Variants in STYK1 observed in about 807,000 individuals in gnomAD.
STYK1 encodes the protein tyrosine-protein kinase STYK1.
A neutral mutation model predicts 48.1 loss-of-function variants in STYK1; 46 were observed. The ratio of observed to expected loss-of-function variants is 0.96; its 90% CI spans 0.75 to 1.22. The LOEUF is 1.22. Among genes scored for constraint, STYK1 ranks in the 50% most tolerant of loss-of-function variants. The pLI, the probability that STYK1 is intolerant of heterozygous loss-of-function variation, is 0.00. For synonymous variants in STYK1, 188 were observed against 189.0 expected, an observed-to-expected ratio of 0.99 and a Z score of 0.04; for missense variants, 527 against 521.1, an observed-to-expected ratio of 1.01 and a Z score of -0.11.
intron 1 of STYK1, among the ~76,000 whole-genome samples, chr12:10,657,302 T>C (rs907980835): frequency 6.6e-6 from 1 of 152,192 alleles, no homozygotes; most frequent in African/African-American, 2.4e-5. Flanking sequence ...ACTTAAAAAT[T>C]GGCAAATGAA....
At chr12:10,650,486 T>A (rs1044629809) in intron 1 of STYK1, among the ~76,000 whole-genome samples, 1 of 152,234 alleles carries the variant, frequency 6.6e-6, no homozygotes, top group Non-Finnish European at 1.5e-5. Flanking sequence ...TAATTACTTT[T>A]CAAATCAGTG....
At chr12:10,627,192 T>G (rs919376850) in intron 7 of STYK1, among the ~76,000 whole-genome samples, 1 of 152,198 alleles carries the variant, frequency 6.6e-6, no homozygotes, top group Non-Finnish European at 1.5e-5. Flanking sequence ...GTTTTCTTGT[T>G]TCTCAGGTAT....
intron 6 of STYK1, among the ~76,000 whole-genome samples, chr12:10,628,233 A>C (rs141121136): frequency 6.6e-6 from 1 of 152,340 alleles, no homozygotes; most frequent in East Asian, 1.9e-4. Flanking sequence ...CAATGGTTAC[A>C]TATCTGTAAG....
intron 1 of STYK1, among the ~76,000 whole-genome samples, chr12:10,641,498 G>A (rs577125671): frequency 9.2e-5 from 14 of 152,310 alleles, no homozygotes; most frequent in African/African-American, 2.6e-4. Context: ...GCAGAGAGGA[G>A]GGCCCAAGCT....
chr12:10,655,503 G>A (rs61912180), intron 1 of STYK1, among the ~76,000 whole-genome samples: 49,728 of 152,082 alleles, frequency 0.33, 9,118 homozygotes, highest in Non-Finnish European at 0.43. Context: ...CTGGTTCAGC[G>A]TTCAATTTCT....
At chr12:10,647,602 C>T (rs572470774) in intron 1 of STYK1, among the ~76,000 whole-genome samples, 16 of 152,010 alleles carry the variant, frequency 1.1e-4, no homozygotes, top group South Asian at 4.2e-4. Flanking sequence ...TTTTGGGGGA[C>T]GGTTGGGAAG....
chr12:10,662,335 T>C (rs926585427), intron 1 of STYK1, among the ~76,000 whole-genome samples: 1 of 152,264 alleles, frequency 6.6e-6, no homozygotes, highest in African/African-American at 2.4e-5. Context: ...GATACTCACA[T>C]ACAAGTTTCT....
intron 10 of STYK1, among the ~76,000 whole-genome samples, 173 bp downstream of exon 10, chr12:10,621,703 G>A (rs1052135836): frequency 3.3e-5 from 5 of 151,824 alleles, no homozygotes; most frequent in East Asian, 1.9e-4. Context: ...TAATATATAT[G>A]CATATATAAT....
intron 4 of STYK1, among the ~76,000 whole-genome samples, chr12:10,631,536 G>A (rs115379505): frequency 7.9e-5 from 12 of 152,240 alleles, no homozygotes; most frequent in African/African-American, 2.6e-4. Context: ...CCAGGAAATC[G>A]GTCATGACAC....
chr12:10,655,708 C>G (rs1238929307), intron 1 of STYK1, among the ~76,000 whole-genome samples: 1 of 152,136 alleles, frequency 6.6e-6, no homozygotes, highest in African/African-American at 2.4e-5. Flanking sequence ...GTGATTAAGT[C>G]ATAACCTTAG....
chr12:10,624,595 G>A (rs1214071970), intron 8 of STYK1, 56 bp downstream of exon 8: 6 of 1,519,378 alleles, frequency 3.9e-6, no homozygotes, highest in Non-Finnish European at 4.6e-6. Flanking sequence ...ATCATATTCA[G>A]GGACAACACC....
chr12:10,670,907 C>T (rs1279563078), intron 1 of STYK1, among the ~76,000 whole-genome samples: 1 of 148,694 alleles, frequency 6.7e-6, no homozygotes, highest in Non-Finnish European at 1.5e-5. Flanking sequence ...TAAAGAATAC[C>T]CAGTTGGGAA....
chr12:10,643,716 T>C (rs1015747558), intron 1 of STYK1, among the ~76,000 whole-genome samples: 6 of 152,104 alleles, frequency 3.9e-5, no homozygotes, highest in Admixed American at 1.3e-4. Flanking sequence ...TAGATAAAGG[T>C]GGGCACAGCC....
intron 6 of STYK1, 62 bp downstream of exon 6, chr12:10,629,431 T>C: frequency 6.5e-7 from 1 of 1,546,272 alleles, no homozygotes; most frequent in Non-Finnish European, 8.9e-7. Context: ...CTAACTGACA[T>C]GTAAAAAGCT....
chr12:10,662,284 A>G (rs946418222), intron 1 of STYK1, among the ~76,000 whole-genome samples: 1 of 152,212 alleles, frequency 6.6e-6, no homozygotes, highest in African/African-American at 2.4e-5. Context: ...GGGCATTTGG[A>G]TAGTTTTCAC....
At chr12:10,659,102 T>C (rs951856031) in intron 1 of STYK1, among the ~76,000 whole-genome samples, 5 of 152,214 alleles carry the variant, frequency 3.3e-5, no homozygotes, top group Non-Finnish European at 7.4e-5. Flanking sequence ...GAAATGTTCA[T>C]GAATATCAAA....
At chr12:10,646,958 C>T (rs1264515697) in intron 1 of STYK1, among the ~76,000 whole-genome samples, 1 of 152,222 alleles carries the variant, frequency 6.6e-6, no homozygotes, top group Non-Finnish European at 1.5e-5. Flanking sequence ...GGCTTGGGAA[C>T]CTCTGCCTAG....
chr12:10,620,219 C>A lies in STYK1; in HGVS notation c.1194G>T (p.Leu398Phe), dbSNP rs967812609. The A allele has an allele frequency of 3.1e-6, 5 of 1,614,108 alleles. No individual in the cohort carries two copies. Among genetic ancestry groups the A allele is most frequent in the Non-Finnish European group, 4.2e-6 (5 of 1,179,952 alleles). The change falls in exon 11 of 11, where the codon TTG (leucine) becomes TTT (phenylalanine). Residue 398 changes from leucine to phenylalanine, a missense_variant. Coordinates refer to ENST00000075503, the MANE Select transcript of STYK1 (RefSeq NM_018423.3). The part of the protein sequence containing the change: ...DDEAVLQVPE[L>F]VVPELYAAVA... The stretch of plus-strand genomic sequence containing the variant: ...CAGCTGCATACAGTTCAGGTACCAC[C>A]AACTCTGGTACTTGTAACACAGCCT...
At chr12:10,673,211 A>G (rs1348127201) in intron 1 of STYK1, among the ~76,000 whole-genome samples, 2 of 152,192 alleles carry the variant, frequency 1.3e-5, no homozygotes, top group Non-Finnish European at 2.9e-5. Context: ...GTCTCTACTA[A>G]AAATACAAAA....
Sources: allele counts gnomAD v4.1 joint callset (sites outside exome capture counted in the v4.1 genomes callset), GRCh38; gene constraint gnomAD v4.1.1; transcripts MANE v1.5; gene names NCBI Gene and HGNC (gene_info 2026-07-23, HGNC 2026-07-21).